The following MED13L variants were observed in gnomAD, a reference collection of about 807,000 sequenced individuals.
MED13L encodes the protein mediator complex subunit 13L, also known as mediator of RNA polymerase II transcription subunit 13-like.
MED13L carries 7 observed loss-of-function variants against 220.9 expected under a neutral mutation model. The ratio of observed to expected loss-of-function variants is 0.03; its 90% confidence interval spans 0.02 to 0.06. MED13L has a LOEUF of 0.06. Among genes scored for constraint, MED13L ranks in the 10% least tolerant of loss-of-function variants. MED13L has a pLI of 1.00. For missense variants in MED13L, 1,965 were observed against 2,760.5 expected, an observed-to-expected ratio of 0.71 and a Z score of 6.46; for synonymous variants, 1,011 against 1,015.2, an observed-to-expected ratio of 1.00 and a Z score of 0.08.
chr12:116,179,956 T>C (rs1880394919), intron 2 of MED13L, among the ~76,000 whole-genome samples: 2 of 152,188 alleles, frequency 1.3e-5, no homozygotes, highest in Admixed American at 1.3e-4. Flanking sequence ...GACATACAAA[T>C]AACACCAGTA....
chr12:115,995,093 C>G (rs958727088), intron 16 of MED13L, among the ~76,000 whole-genome samples: 57 of 152,156 alleles, frequency 3.7e-4, no homozygotes, highest in Non-Finnish European at 4.0e-4. Context: ...CACCGTTTTT[C>G]TTTCTGACAC....
At chr12:116,175,431 G>A (rs1362595609) in intron 2 of MED13L, among the ~76,000 whole-genome samples, 1 of 152,152 alleles carries the variant, frequency 6.6e-6, no homozygotes, top group Non-Finnish European at 1.5e-5. Flanking sequence ...ATTGTAGGTA[G>A]AGGTAACAAC....
chr12:115,963,633 T>C, intron 29 of MED13L, 114 bp from the exon 30 acceptor site: 1 of 772,488 alleles, frequency 1.3e-6, no homozygotes, highest in Non-Finnish European at 2.3e-6. Flanking sequence ...GAAGTCAGGG[T>C]TTCTGTGAGT....
At position 116,007,245 on chromosome 12, in the gene MED13L, G is replaced by A. The variant is rs1879104354; in HGVS notation, c.2238+166C>T. ...CAAAGGTGAGCCATGACATAAAAAG[G>A]AACAATACGCTGTTCAATACAATAG... On this transcript the variant is annotated intron_variant, in intron 11 of 30. Transcript: ENST00000281928. 2.2e-5 allele frequency: 15 copies of A among 692,364 alleles called. No individual in the cohort carries two copies. In the East Asian group the frequency reaches 4.1e-4, roughly 19 times the overall value. The allele number at this position is 692,364 out of a possible 1,614,324, so 42.9% of individuals were successfully genotyped here.
intron 1 of MED13L, among the ~76,000 whole-genome samples, chr12:116,258,589 C>G (rs752302287): frequency 2.0e-5 from 3 of 151,956 alleles, no homozygotes; most frequent in Non-Finnish European, 4.4e-5. Flanking sequence ...CCAGCCTGGT[C>G]AACATGGTGA....
chr12:116,150,836 G>C (rs1877980816), intron 2 of MED13L, among the ~76,000 whole-genome samples: 1 of 152,108 alleles, frequency 6.6e-6, no homozygotes, highest in Non-Finnish European at 1.5e-5. Flanking sequence ...AGGGGTGTGT[G>C]GCCTTAGGTA....
chr12:116,039,235 T>A (rs1171090619), intron 4 of MED13L, among the ~76,000 whole-genome samples: 1 of 152,256 alleles, frequency 6.6e-6, no homozygotes, highest in Non-Finnish European at 1.5e-5. Context: ...TCACTGTGGC[T>A]TGGCATCTTC....
chr12:116,068,361 T>G (rs753648305), intron 4 of MED13L, among the ~76,000 whole-genome samples: 46 of 152,326 alleles, frequency 3.0e-4, no homozygotes, highest in Non-Finnish European at 3.4e-4. Context: ...GCCAATTAAA[T>G]ACGAATTTAT....
intron 2 of MED13L, among the ~76,000 whole-genome samples, chr12:116,183,073 T>C (rs1880637652): frequency 6.6e-6 from 1 of 152,150 alleles, no homozygotes; most frequent in African/African-American, 2.4e-5. Context: ...TGACCAAAAA[T>C]TGCTTCGAGA....
chr12:116,142,521 C>G (rs1181397771), intron 2 of MED13L, among the ~76,000 whole-genome samples: 1 of 152,008 alleles, frequency 6.6e-6, no homozygotes, highest in African/African-American at 2.4e-5. Context: ...AACCCCATCT[C>G]TACTAAAAAT....
intron 17 of MED13L, among the ~76,000 whole-genome samples, chr12:115,988,608 C>T (rs1218034615): frequency 1.3e-5 from 2 of 152,166 alleles, no homozygotes; most frequent in South Asian, 2.1e-4. Context: ...AAAGCAAGCA[C>T]GTTTCTTATG....
chr12:116,251,516 T>C (rs929896135), intron 1 of MED13L, among the ~76,000 whole-genome samples: 3 of 147,542 alleles, frequency 2.0e-5, no homozygotes, highest in African/African-American at 5.0e-5. Flanking sequence ...TCCCAGCACT[T>C]TGGGAGGCCG....
chr12:116,130,776 C>T (rs1876001687), intron 2 of MED13L, among the ~76,000 whole-genome samples: 1 of 152,050 alleles, frequency 6.6e-6, no homozygotes, highest in Admixed American at 6.6e-5. Flanking sequence ...TGCATGCAGT[C>T]CTCTAACAGC....
intron 2 of MED13L, among the ~76,000 whole-genome samples, chr12:116,205,944 T>C (rs1300693929): frequency 1.8e-5 from 1 of 56,050 alleles, no homozygotes; most frequent in African/African-American, 3.5e-4. Context: ...AAAAACTTGT[T>C]TTTTTTTTTT....
At chr12:116,243,386 A>T (rs536199233) in intron 1 of MED13L, among the ~76,000 whole-genome samples, 15 of 152,290 alleles carry the variant, frequency 9.8e-5, no homozygotes, top group African/African-American at 3.1e-4. Context: ...ATAATGGAAC[A>T]TTAGGCATAA....
At chr12:116,012,710 G>A (rs1879489287) in intron 9 of MED13L, 87 bp downstream of exon 9, 3 of 962,242 alleles carry the variant, frequency 3.1e-6, no homozygotes, top group Non-Finnish European at 5.1e-6. Flanking sequence ...GGAGAATCAG[G>A]AAGAACTGAT....
intron 4 of MED13L, among the ~76,000 whole-genome samples, chr12:116,038,953 C>G (rs1050499139): frequency 3.3e-5 from 5 of 151,704 alleles, no homozygotes; most frequent in African/African-American, 1.2e-4. Context: ...ACCTTAAATA[C>G]TTCTCTAATG....
intron 1 of MED13L, among the ~76,000 whole-genome samples, chr12:116,251,313 T>G (rs1360069992): frequency 2.0e-5 from 2 of 100,768 alleles, no homozygotes; most frequent in Non-Finnish European, 4.6e-5. Context: ...GGATCCTTTT[T>G]TTTTTTTTTT....
intron 3 of MED13L, 52 bp from the exon 4 acceptor site, chr12:116,096,804 A>G (rs1272125503): frequency 1.5e-6 from 2 of 1,331,772 alleles, no homozygotes; most frequent in Non-Finnish European, 2.2e-6. Flanking sequence ...ACAAATTAGT[A>G]AGTCGCTGAA....
Sources: gnomAD v4.1 joint callset for allele counts (sites outside exome capture counted in the v4.1 genomes callset) on GRCh38, gnomAD v4.1.1 for gene constraint, MANE v1.5 for transcripts, NCBI Gene and HGNC (gene_info 2026-07-23, HGNC 2026-07-21) for gene names.